MARCHF1: variants seen among roughly 807,000 people sequenced by gnomAD.
MARCHF1 encodes the protein E3 ubiquitin-protein ligase MARCHF1.
A neutral mutation model predicts 54.2 loss-of-function variants in MARCHF1; 40 were observed. The observed-to-expected ratio is 0.74, with a 90% CI of 0.57 to 0.96. The LOEUF (loss-of-function observed/expected upper bound fraction) is 0.96. Ranked by LOEUF, MARCHF1 falls within the 40% of genes least tolerant of loss-of-function variation. The pLI is 0.00. For synonymous variants in MARCHF1, 236 were observed against 236.3 expected (o/e 1.00, Z 0.01); for missense variants, 586 against 656.5 (o/e 0.89, Z 1.17).
rs576374063 is a variant in MARCHF1, at chr4:164,213,334, C to T, written c.-322-101672G>A. Among the ~76,000 whole-genome samples the T allele has an allele frequency of 3.3e-5, 5 of 151,646 alleles. No homozygotes were observed. The South Asian group carries it at 8.3e-4, about 25-fold the overall frequency. On this transcript the variant is annotated intron_variant, in intron 1 of 9. Coordinates refer to ENST00000514618, the MANE Select transcript of MARCHF1 (RefSeq NM_001394959.1). ...CTGAAAGCTCCGCCTCCCAGGTTCA[C>T]GTCATTTTCCTGCCTCAGCCTCCCA...
At chr4:163,978,985 C>T (rs1213462998) in intron 3 of MARCHF1, among the ~76,000 whole-genome samples, 1 of 150,278 alleles carries the variant, frequency 6.7e-6, no homozygotes, top group Non-Finnish European at 1.5e-5. Flanking sequence ...ACATCTTAGC[C>T]TCCAAAAATG....
chr4:163,573,826 T>G (rs1232433685), intron 8 of MARCHF1, among the ~76,000 whole-genome samples: 2 of 151,956 alleles, frequency 1.3e-5, no homozygotes, highest in Admixed American at 1.3e-4. Context: ...GGGTATATAC[T>G]CAGTAATGGG....
chr4:164,002,385 A>G (rs1010156116), intron 2 of MARCHF1, among the ~76,000 whole-genome samples: 2 of 151,772 alleles, frequency 1.3e-5, no homozygotes, highest in African/African-American at 4.8e-5. Context: ...ATAAAAAAAG[A>G]ACAACATGGA....
intron 4 of MARCHF1, among the ~76,000 whole-genome samples, chr4:163,811,221 G>A (rs1206116299): frequency 6.6e-6 from 1 of 151,828 alleles, no homozygotes; most frequent in South Asian, 2.1e-4. Flanking sequence ...AATTTGTTCC[G>A]ATTTTATAGA....
intron 2 of MARCHF1, among the ~76,000 whole-genome samples, chr4:164,048,760 AC>A (rs1174557808): frequency 6.6e-6 from 1 of 152,138 alleles, no homozygotes; most frequent in Non-Finnish European, 1.5e-5. Flanking sequence ...TCTATTCAAA[AC>A]TTCTCCCTTA....
intron 9 of MARCHF1, among the ~76,000 whole-genome samples, chr4:163,543,432 C>T (rs1243720155): frequency 6.6e-6 from 1 of 151,160 alleles, no homozygotes; most frequent in Non-Finnish European, 1.5e-5. Context: ...TTAGTGGTGC[C>T]GTTCCCACAG....
chr4:164,251,510 T>C (rs1733123033), intron 1 of MARCHF1, among the ~76,000 whole-genome samples: 1 of 152,128 alleles, frequency 6.6e-6, no homozygotes. Flanking sequence ...AAACAGAAAT[T>C]CACATGGAAA....
chr4:164,101,462 C>A (rs1405898871), intron 2 of MARCHF1, among the ~76,000 whole-genome samples: 1 of 124,690 alleles, frequency 8.0e-6, no homozygotes, highest in Non-Finnish European at 1.8e-5. Context: ...ACCCCTGACC[C>A]CCGAGCAGCC....
intron 4 of MARCHF1, among the ~76,000 whole-genome samples, chr4:163,704,336 G>A (rs1258075640): frequency 1.3e-5 from 2 of 151,472 alleles, no homozygotes; most frequent in East Asian, 1.9e-4. Flanking sequence ...TGGAATAGAA[G>A]AAAAGTCTTA....
At chr4:163,731,465 G>A (rs971211797) in intron 4 of MARCHF1, among the ~76,000 whole-genome samples, 5 of 152,140 alleles carry the variant, frequency 3.3e-5, no homozygotes, top group East Asian at 1.9e-4. Context: ...ATCCCATCTC[G>A]CTGCCTGGAG....
intron 2 of MARCHF1, among the ~76,000 whole-genome samples, chr4:164,012,660 C>T (rs1753449029): frequency 6.6e-6 from 1 of 152,056 alleles, no homozygotes; most frequent in African/African-American, 2.4e-5. Flanking sequence ...TCCACATCAC[C>T]CCTTTCCCCA....
At chr4:164,182,417 A>G (rs1297984746) in intron 1 of MARCHF1, among the ~76,000 whole-genome samples, 1 of 152,036 alleles carries the variant, frequency 6.6e-6, no homozygotes, top group Non-Finnish European at 1.5e-5. Flanking sequence ...AGGTAGGTAT[A>G]TAGGTATCAG....
chr4:164,153,321 C>CCTT (rs1729994234), intron 1 of MARCHF1, among the ~76,000 whole-genome samples: 1 of 152,018 alleles, frequency 6.6e-6, no homozygotes, highest in South Asian at 2.1e-4. Flanking sequence ...CCATCCCTAC[C>CCTT]CTTTTAAACA....
intron 2 of MARCHF1, among the ~76,000 whole-genome samples, chr4:164,083,944 A>G (rs953294800): frequency 6.6e-6 from 1 of 152,058 alleles, no homozygotes; most frequent in African/African-American, 2.4e-5. Flanking sequence ...ACCTAGAGAT[A>G]TAATTTTTGC....
At chr4:164,173,048 T>G (rs1730571802) in intron 1 of MARCHF1, among the ~76,000 whole-genome samples, 1 of 150,890 alleles carries the variant, frequency 6.6e-6, no homozygotes, top group African/African-American at 2.4e-5. Flanking sequence ...TCTAATGGAG[T>G]AAAAATTTGT....
chr4:164,359,531 TTCA>T (rs1196439042), intron 1 of MARCHF1, among the ~76,000 whole-genome samples: 2 of 150,046 alleles, frequency 1.3e-5, no homozygotes, highest in Non-Finnish European at 3.0e-5. Flanking sequence ...ATTATGGAAT[TTCA>T]TCATTTCATC....
At chr4:163,709,859 A>G (rs1745055554) in intron 4 of MARCHF1, among the ~76,000 whole-genome samples, 2 of 152,216 alleles carry the variant, frequency 1.3e-5, no homozygotes, top group African/African-American at 4.8e-5. Context: ...TTTCTGTTGA[A>G]GCAAACATGG....
intron 3 of MARCHF1, among the ~76,000 whole-genome samples, chr4:163,902,234 T>C (rs1750957912): frequency 6.6e-6 from 1 of 152,186 alleles, no homozygotes; most frequent in African/African-American, 2.4e-5. Context: ...GTCTCTCAAT[T>C]AGCTGTAGCA....
chr4:163,971,828 C>T (rs1043055032), intron 3 of MARCHF1, among the ~76,000 whole-genome samples: 5 of 152,134 alleles, frequency 3.3e-5, no homozygotes, highest in South Asian at 2.1e-4. Context: ...CTCTTAAGAT[C>T]TCATCCAAAA....
Sources: allele counts gnomAD v4.1 joint callset (sites outside exome capture counted in the v4.1 genomes callset), GRCh38; gene constraint gnomAD v4.1.1; transcripts MANE v1.5; gene names NCBI Gene and HGNC (gene_info 2026-07-23, HGNC 2026-07-21).